SASH1: variants seen among roughly 807,000 people sequenced by gnomAD.
SASH1 encodes SAM and SH3 domain-containing protein 1.
A neutral mutation model predicts 125.2 loss-of-function variants in SASH1; 44 were observed. The observed-to-expected ratio is 0.35, with a 90% CI of 0.28 to 0.45. The LOEUF (loss-of-function observed/expected upper bound fraction) is 0.45, where lower values mean the gene tolerates loss of function less well. Among genes scored for constraint, SASH1 ranks in the 20% least tolerant of loss-of-function variants. The pLI, the probability that SASH1 is intolerant of heterozygous loss-of-function variation, is 1.00. For synonymous variants in SASH1, 639 were observed against 649.1 expected (o/e 0.98, Z 0.24); for missense variants, 1,426 against 1,614.5 (o/e 0.88, Z 2.00).
intron 1 of SASH1, among the ~76,000 whole-genome samples, chr6:148,274,213 A>C (rs1025081646): frequency 6.6e-6 from 1 of 152,222 alleles, no homozygotes; most frequent in Non-Finnish European, 1.5e-5. Context: ...GGAGAAAGTG[A>C]ACAGACATGG....
At chr6:148,470,291 C>T (rs1237774939) in intron 5 of SASH1, among the ~76,000 whole-genome samples, 1 of 152,154 alleles carries the variant, frequency 6.6e-6, no homozygotes, top group Non-Finnish European at 1.5e-5. Context: ...CCTGTTTTGA[C>T]AGACGACGCC....
At chr6:148,361,244 G>T (rs1157286433) in intron 1 of SASH1, among the ~76,000 whole-genome samples, 2 of 152,230 alleles carry the variant, frequency 1.3e-5, no homozygotes, top group Admixed American at 1.3e-4. Context: ...AAACAATACA[G>T]ATGGCTGCTC....
At chr6:148,398,587 A>G (rs747393812) in intron 2 of SASH1, among the ~76,000 whole-genome samples, 18 of 152,196 alleles carry the variant, frequency 1.2e-4, no homozygotes, top group Non-Finnish European at 2.2e-4. Context: ...CTGAATTCTT[A>G]TTCTTATCCC....
intron 1 of SASH1, among the ~76,000 whole-genome samples, chr6:148,335,884 G>A (rs1028832857): frequency 3.9e-5 from 6 of 152,118 alleles, no homozygotes; most frequent in Admixed American, 1.3e-4. Context: ...TCACAGAGAC[G>A]TAGGTATGAA....
intron 8 of SASH1, among the ~76,000 whole-genome samples, chr6:148,511,366 C>T (rs2115315618): frequency 6.7e-6 from 1 of 149,060 alleles, no homozygotes; most frequent in South Asian, 2.1e-4. Flanking sequence ...CACACACACA[C>T]ACACACACCT....
intron 1 of SASH1, among the ~76,000 whole-genome samples, chr6:148,326,323 C>CATATGTGTATATATATATAT (rs71004286): frequency 2.0e-4 from 2 of 9,816 alleles, no homozygotes; most frequent in African/African-American, 8.2e-4. Context: ...CCACCGCATG[C>CATATGTGTATATATATATAT]ATATATATAT....
the SASH1 span, among the ~76,000 whole-genome samples, chr6:148,198,656 TAGAC>T: frequency 1.3e-5 from 2 of 152,210 alleles, no homozygotes; most frequent in Admixed American, 6.5e-5. Context: ...TGACAGGTCT[TAGAC>T]AGGTTTCAGG....
chr6:148,203,545 T>C, the SASH1 span, among the ~76,000 whole-genome samples: 24 of 152,186 alleles, frequency 1.6e-4, no homozygotes, highest in Non-Finnish European at 3.1e-4. Context: ...ATAACTGAGA[T>C]CAGGGGCTGG....
the SASH1 span, among the ~76,000 whole-genome samples, chr6:148,261,629 C>T: frequency 0.31 from 47,075 of 151,884 alleles, 7,425 homozygotes; most frequent in East Asian, 0.43. Flanking sequence ...ACAGTCCCAG[C>T]GCCACCAGGG....
chr6:148,245,803 C>G, the SASH1 span, among the ~76,000 whole-genome samples: 1 of 151,816 alleles, frequency 6.6e-6, no homozygotes, highest in Non-Finnish European at 1.5e-5. Context: ...CTGGCTAACA[C>G]AGTGAAACCC....
chr6:148,536,260 G>A (rs1341820990), intron 16 of SASH1, among the ~76,000 whole-genome samples: 5 of 152,204 alleles, frequency 3.3e-5, no homozygotes, highest in Admixed American at 6.5e-5. Context: ...CTATTGTCCC[G>A]AACCACATCT....
At chr6:148,224,359 C>T in the SASH1 span, among the ~76,000 whole-genome samples, 1 of 148,178 alleles carries the variant, frequency 6.7e-6, no homozygotes, top group South Asian at 2.1e-4. Flanking sequence ...GAGAGGCTTC[C>T]CCCCAGCCTT....
At chr6:148,357,858 G>A (rs938022122) in intron 1 of SASH1, among the ~76,000 whole-genome samples, 1 of 151,948 alleles carries the variant, frequency 6.6e-6, no homozygotes, top group Non-Finnish European at 1.5e-5. Flanking sequence ...TCAGGCGTTC[G>A]AGACCAACCT....
chr6:148,232,216 T>C, the SASH1 span, among the ~76,000 whole-genome samples: 1 of 152,166 alleles, frequency 6.6e-6, no homozygotes, highest in Non-Finnish European at 1.5e-5. Context: ...ACTAAGAGTA[T>C]GTTACCAAAG....
At chr6:148,260,425 AG>A in the SASH1 span, among the ~76,000 whole-genome samples, 1 of 152,046 alleles carries the variant, frequency 6.6e-6, no homozygotes, top group African/African-American at 2.4e-5. Flanking sequence ...TAGGCAATAT[AG>A]CAAGAATGCG....
chr6:148,446,317 C>T (rs995838881), intron 4 of SASH1, among the ~76,000 whole-genome samples: 15 of 151,820 alleles, frequency 9.9e-5, no homozygotes, highest in Admixed American at 5.9e-4. Flanking sequence ...ACCGTGTTAG[C>T]CAGGATGGTC....
upstream of SASH1, among the ~76,000 whole-genome samples, chr6:148,341,908 T>C (rs1024510005): frequency 3.0e-4 from 45 of 152,246 alleles, no homozygotes; most frequent in African/African-American, 9.1e-4. Context: ...CTGAGTAGTC[T>C]TGAAAGATAG....
intron 2 of SASH1, among the ~76,000 whole-genome samples, chr6:148,436,661 A>C (rs1195041601): frequency 6.6e-6 from 1 of 152,204 alleles, no homozygotes; most frequent in African/African-American, 2.4e-5. Flanking sequence ...GCTTCCAGAC[A>C]TTTGAGTGAG....
chr6:148,540,689 T>G, intron 17 of SASH1, 133 bp downstream of exon 17: 1 of 667,334 alleles, frequency 1.5e-6, no homozygotes, highest in South Asian at 1.8e-5. Flanking sequence ...CTCTACACCA[T>G]TCTAGTCCAA....
Sources: gnomAD v4.1 joint callset for allele counts (sites outside exome capture counted in the v4.1 genomes callset) on GRCh38, gnomAD v4.1.1 for gene constraint, MANE v1.5 for transcripts, NCBI Gene and HGNC (gene_info 2026-07-23, HGNC 2026-07-21) for gene names.